Variants in SUPT6H observed in about 807,000 individuals in gnomAD.
SUPT6H encodes the protein SPT6 homolog, histone chaperone and transcription elongation factor, also known as transcription elongation factor SPT6.
In SUPT6H, 11 loss-of-function variants were observed where a neutral mutation model predicts 222.3. The ratio of observed to expected loss-of-function variants is 0.05; its 90% CI spans 0.03 to 0.08. The LOEUF is 0.08. SUPT6H is among the 10% of genes least tolerant of loss of function. The pLI is 1.00. For synonymous variants in SUPT6H, 762 were observed against 801.2 expected (o/e 0.95, Z 0.83); for missense variants, 1,422 against 2,216.0 (o/e 0.64, Z 7.19).
chr17:28,699,783 T>C lies in SUPT6H; in HGVS notation c.4451T>C (p.Ile1484Thr). 1 of 1,613,764 alleles carries C rather than the reference T, an allele frequency of 6.2e-7. No individual in the cohort carries two copies. Among genetic ancestry groups the C allele is most frequent in the Non-Finnish European group, 8.5e-7 (1 of 1,179,700 alleles). ...LGYQPRGKPR[I>T]EYVTVTPEGF... Reference sequence around the variant, plus strand: ...CATGTTTCCTTCTAAAATCCTAGGATAGAATATGTAACGGTGACTCCAGAG... The same window carrying C: ...CATGTTTCCTTCTAAAATCCTAGGACAGAATATGTAACGGTGACTCCAGAG... Residue 1484 changes from isoleucine (I) to threonine (T), a missense_variant and splice_region_variant, in exon 33 of 37, where the codon ATA (isoleucine) becomes ACA (threonine). Coordinates refer to ENST00000314616, the MANE Select transcript of SUPT6H (RefSeq NM_003170.5).
rs1353605236 is a variant in SUPT6H, at chr17:28,695,502, G to T, written c.3925G>T (p.Asp1309Tyr). 1.9e-6 allele frequency: 3 copies of T among 1,614,110 alleles called. No homozygotes were observed. The highest frequency in any genetic ancestry group is 1.7e-6 in the Non-Finnish European group (2 of 1,180,036). The change falls in exon 29 of 37, where the codon GAC becomes TAC. Residue 1309 changes from aspartate to tyrosine, a missense_variant. Coordinates refer to ENST00000314616, the MANE Select transcript of SUPT6H (RefSeq NM_003170.5). ...CTATGACTTTGATGCTGAAGCTGCA[G>T]ACCACAAGCAGGAGGAGGACATGAA... ...TYYDFDAEAADHKQEEDMKRK... is the reference protein window; with the variant it reads ...TYYDFDAEAAYHKQEEDMKRK...
Position 28,678,953 on chromosome 17 carries a change from G to A in SUPT6H, c.1339G>A (p.Asp447Asn). 1 of 1,614,210 alleles carries A rather than the reference G, an allele frequency of 6.2e-7. No individual in the cohort carries two copies. Among genetic ancestry groups the A allele is most frequent in the Non-Finnish European group, 8.5e-7 (1 of 1,180,050 alleles). Reference protein sequence around the residue: ...ADGIRALDTTDMERLKDVQSM... With the variant: ...ADGIRALDTTNMERLKDVQSM... Reference sequence around the variant, plus strand: ...TGGCATCCGGGCTCTGGACACCACTGACATGGAGAGGTAAAACATGCGGTG... The same window carrying A: ...TGGCATCCGGGCTCTGGACACCACTAACATGGAGAGGTAAAACATGCGGTG... Residue 447 changes from aspartate to asparagine, a missense_variant, in exon 11 of 37, where the codon GAC (aspartate) becomes AAC (asparagine). Asp to Asn is a conservative substitution (Grantham distance 23). Around this residue, in one of 13 missense-constraint regions of SUPT6H, gnomAD observed 389 missense variants for 544.6 expected, o/e 0.71. Transcript: ENST00000314616.
chr17:28,685,018 G>A, intron 19 of SUPT6H, 57 bp downstream of exon 19: 2 of 1,487,756 alleles, frequency 1.3e-6, no homozygotes, highest in Non-Finnish European at 1.8e-6. Flanking sequence ...TTATGATTCA[G>A]TGGAGATAAG....
intron 1 of SUPT6H, among the ~76,000 whole-genome samples, chr17:28,664,649 T>C (rs1305736352): frequency 6.6e-6 from 1 of 152,194 alleles, no homozygotes; most frequent in Non-Finnish European, 1.5e-5. Context: ...AGTCCAGCCC[T>C]CTCCTCTATG....
At chr17:28,689,208 C>A in intron 24 of SUPT6H, 146 bp from the exon 25 acceptor site, 1 of 682,394 alleles carries the variant, frequency 1.5e-6, no homozygotes, top group Non-Finnish European at 2.5e-6. Flanking sequence ...ACACATAGAT[C>A]TACCTCATTC....
chr17:28,679,267 G>A (rs776291022), intron 11 of SUPT6H, among the ~76,000 whole-genome samples: 1 of 152,190 alleles, frequency 6.6e-6, no homozygotes, highest in African/African-American at 2.4e-5. Flanking sequence ...CAGCTACTCA[G>A]GAGGCTGAGG....
intron 9 of SUPT6H, 100 bp downstream of exon 9, chr17:28,678,292 C>G: frequency 2.8e-6 from 3 of 1,090,108 alleles, no homozygotes; most frequent in Non-Finnish European, 4.1e-6. Flanking sequence ...CTTCCCGTAT[C>G]CCCTATCCAT....
chr17:28,664,181 C>A (rs1431311669), intron 1 of SUPT6H, among the ~76,000 whole-genome samples: 1 of 152,156 alleles, frequency 6.6e-6, no homozygotes, highest in Non-Finnish European at 1.5e-5. Flanking sequence ...TTCTGAGTCT[C>A]ATTTGCTAGC....
chr17:28,685,440 A>G (rs2031330352), intron 19 of SUPT6H, among the ~76,000 whole-genome samples: 1 of 150,696 alleles, frequency 6.6e-6, no homozygotes, highest in South Asian at 2.1e-4. Context: ...AAACTTCTTA[A>G]GAAACAACTA....
At chr17:28,693,887 T>G in intron 28 of SUPT6H, 51 bp downstream of exon 28, 2 of 1,612,062 alleles carry the variant, frequency 1.2e-6, no homozygotes, top group Non-Finnish European at 1.7e-6. Context: ...GCTGCCCAGA[T>G]CAGGTCTCTT....
rs1428385588 is a variant in SUPT6H, at chr17:28,683,379, C to T, written c.1990C>T (p.Leu664Phe). ...GATATGCCTGGCTGAAGACGAAGGGCTCCTCACCACTGACATCAGCATAGA... is the reference window on the plus strand; with the variant it reads ...GATATGCCTGGCTGAAGACGAAGGGTTCCTCACCACTGACATCAGCATAGA... ...LKICLAEDEG[L>F]LTTDISIDLK... is the part of the protein sequence containing the mutation. The change falls in exon 16 of 37, where the codon CTC becomes TTC. Residue 664 changes from leucine to phenylalanine, a missense_variant. Leu to Phe is a conservative substitution (Grantham distance 22). Around this residue, in one of 13 missense-constraint regions of SUPT6H, gnomAD observed 121 missense variants for 158.0 expected, o/e 0.77. Coordinates refer to ENST00000314616, the MANE Select transcript of SUPT6H (RefSeq NM_003170.5). The T allele has an allele frequency of 1.2e-6, 2 of 1,614,142 alleles. No individual in the cohort carries two copies. The highest frequency in any genetic ancestry group is 1.3e-5 in the African/African-American group (1 of 75,008).
intron 17 of SUPT6H, 122 bp from the exon 18 acceptor site, chr17:28,684,464 C>G (rs2031281334): frequency 8.2e-7 from 1 of 1,212,704 alleles, no homozygotes; most frequent in African/African-American, 1.5e-5. Context: ...CTAGGAACAT[C>G]TGCACATAAG....
At chr17:28,700,833 G>T (rs748892047) in intron 35 of SUPT6H, 108 bp from the exon 36 acceptor site, 14 of 1,340,290 alleles carry the variant, frequency 1.0e-5, no homozygotes, top group Non-Finnish European at 1.4e-5. Flanking sequence ...CTCAGTGGAA[G>T]ATCATCTGGA....
chr17:28,700,316 A>G (rs1039321503), intron 34 of SUPT6H, 30 bp from the exon 35 acceptor site: 8 of 1,613,892 alleles, frequency 5.0e-6, no homozygotes, highest in Non-Finnish European at 5.9e-6. Context: ...CACCTCTAAC[A>G]TGCCCCTCCC....
In SUPT6H at chr17:28,697,095, G is replaced by T; in HGVS notation, c.4209+13G>T. On this transcript the variant is annotated intron_variant, in intron 30 of 36. Coordinates refer to ENST00000314616, the MANE Select transcript of SUPT6H (RefSeq NM_003170.5). ...GATCAACAGTGAGGTGAGAGCCAGT[G>T]CCTGCCCACCTCCCATCCCACTCCT... is the stretch of plus-strand genomic sequence containing the variant. 1.2e-6 allele frequency: 2 copies of T among 1,609,860 alleles called. No homozygotes were observed. The highest frequency in any genetic ancestry group is 1.7e-6 in the Non-Finnish European group (2 of 1,176,356).
Position 28,682,715 on chromosome 17 carries a change from T to G in SUPT6H, c.1598-12T>G. 3.1e-6 allele frequency: 5 copies of G among 1,614,022 alleles called. No homozygotes were observed. The highest frequency in any genetic ancestry group is 3.4e-6 in the Non-Finnish European group (4 of 1,179,928). ...TCTGCTGCCTTACCCTTCACTCTTC[T>G]GTTTGCTTTAGATGGCCTGGCCAAA... On this transcript the variant is annotated splice_polypyrimidine_tract_variant and intron_variant, in intron 13 of 36. Coordinates refer to ENST00000314616, the MANE Select transcript of SUPT6H (RefSeq NM_003170.5).
At chr17:28,682,599 C>G (rs751252892) in intron 13 of SUPT6H, 128 bp from the exon 14 acceptor site, 171 of 1,350,946 alleles carry the variant, frequency 1.3e-4, no homozygotes, top group Non-Finnish European at 1.7e-4. Flanking sequence ...TTAGCCTGGG[C>G]AACAGAGCGA....
intron 17 of SUPT6H, among the ~76,000 whole-genome samples, chr17:28,684,199 T>C (rs548867053): frequency 6.6e-6 from 1 of 151,798 alleles, no homozygotes; most frequent in South Asian, 2.1e-4. Context: ...TTCCCCAAAC[T>C]ATAGTTGGGC....
In SUPT6H at chr17:28,696,832, T is replaced by C. The variant is rs767896349; in HGVS notation, c.3971-12T>C. On this transcript the variant is annotated splice_polypyrimidine_tract_variant and intron_variant, in intron 29 of 36. Coordinates refer to ENST00000314616, the MANE Select transcript of SUPT6H (RefSeq NM_003170.5). ...CATCACCCAGTCTGTACTGCTTTTC[T>C]GCCCTTTTCAGCATACATCAAGAGA... 2.4e-5 allele frequency: 38 copies of C among 1,613,238 alleles called. 1 individual carries two copies. The South Asian group carries it at 3.2e-4, about 14-fold the overall frequency.
Sources: gnomAD v4.1 joint callset for allele counts (sites outside exome capture counted in the v4.1 genomes callset) on GRCh38, gnomAD v4.1.1 for gene constraint, gnomAD v4.1.1 regional missense constraint, MANE v1.5 for transcripts, NCBI Gene and HGNC (gene_info 2026-07-23, HGNC 2026-07-21) for gene names.